KMT5B: variants seen among roughly 807,000 people sequenced by gnomAD.
KMT5B encodes lysine methyltransferase 5B, also known as histone-lysine N-methyltransferase KMT5B.
Under a neutral mutation model 83.2 loss-of-function variants are expected in KMT5B, and 10 were observed. That is an observed-to-expected ratio of 0.12 (90% confidence interval 0.07 to 0.20). KMT5B has a LOEUF of 0.20. Ranked by LOEUF, KMT5B falls within the 10% of genes least tolerant of loss-of-function variation. The probability of loss-of-function intolerance (pLI) is 1.00; values close to 1 mark genes in which losing one functional copy is unlikely to be tolerated. For synonymous variants in KMT5B, 349 were observed against 388.8 expected, an observed-to-expected ratio of 0.90 and a Z score of 1.20; for missense variants, 753 against 1,067.2, an observed-to-expected ratio of 0.71 and a Z score of 4.10.
intron 10 of KMT5B, among the ~76,000 whole-genome samples, chr11:68,160,511 A>C (rs1427815726): frequency 1.3e-5 from 2 of 152,190 alleles, no homozygotes; most frequent in Non-Finnish European, 2.9e-5. Context: ...ACAATAAAAC[A>C]TGGGTAAGCT....
intron 1 of KMT5B, among the ~76,000 whole-genome samples, chr11:68,201,699 GCAAA>G (rs1238144142): frequency 6.6e-6 from 1 of 152,082 alleles, no homozygotes. Context: ...GAACTTGTCT[GCAAA>G]CAGTTTATCT....
chr11:68,164,639 CAGAGTT>C, intron 10 of KMT5B: 1 of 512,620 alleles, frequency 2.0e-6, no homozygotes, highest in South Asian at 1.4e-5. Flanking sequence ...CCCATGACCT[CAGAGTT>C]AGTCATACTG....
rs78418290 is a variant in KMT5B, at chr11:68,166,668, C to T, written c.1174+314G>A. Reference sequence around the variant, plus strand: ...CCTTTTGTCTTCTTGCAGGACTTAGCGACATCATCACAGTCTCTAACACCT... The same window carrying T: ...CCTTTTGTCTTCTTGCAGGACTTAGTGACATCATCACAGTCTCTAACACCT... On this transcript the variant is annotated intron_variant, in intron 10 of 10. Transcript: ENST00000304363. 4.9e-4 allele frequency: 547 copies of T among 1,121,628 alleles called. 3 individuals are homozygous for T. In the East Asian group the frequency reaches 0.02, roughly 42 times the overall value. 69.5% of individuals were successfully genotyped at this position (1,121,628 alleles called of 1,614,324 possible).
intron 1 of KMT5B, among the ~76,000 whole-genome samples, chr11:68,209,364 A>G (rs1347824020): frequency 6.6e-6 from 1 of 152,198 alleles, no homozygotes; most frequent in Non-Finnish European, 1.5e-5. Context: ...TTCTACTTTC[A>G]GGAAAATCAG....
intron 1 of KMT5B, among the ~76,000 whole-genome samples, chr11:68,206,663 T>A (rs78151591): frequency 6.6e-6 from 1 of 152,204 alleles, no homozygotes; most frequent in African/African-American, 2.4e-5. Flanking sequence ...ATATTTTAAA[T>A]GAGCACAAAC....
Position 68,204,244 on chromosome 11 carries a change from C to T in KMT5B, c.-77+8894G>A, listed in dbSNP as rs189185311. Among the ~76,000 whole-genome samples, 69 of 152,288 alleles carry T rather than the reference C, an allele frequency of 4.5e-4. No individual in the cohort carries two copies. In the East Asian group the frequency reaches 0.013, roughly 28 times the overall value. ...AAGCAGACTGTAGTATGGTGGAAAACGGCCCCCAAAGACATCGGCTCCTAA... is the reference window on the plus strand; with the variant it reads ...AAGCAGACTGTAGTATGGTGGAAAATGGCCCCCAAAGACATCGGCTCCTAA... On this transcript the variant is annotated intron_variant, in intron 1 of 10. Transcript: ENST00000304363.
At chr11:68,194,931 C>T (rs927002514) in intron 1 of KMT5B, among the ~76,000 whole-genome samples, 1 of 152,170 alleles carries the variant, frequency 6.6e-6, no homozygotes, top group Non-Finnish European at 1.5e-5. Context: ...TCCTAGCCCT[C>T]TGGGAGACCA....
At chr11:68,163,507 C>T (rs1361153769) in intron 10 of KMT5B, among the ~76,000 whole-genome samples, 1 of 152,214 alleles carries the variant, frequency 6.6e-6, no homozygotes, top group Non-Finnish European at 1.5e-5. Context: ...TCCTCAAAAT[C>T]ATAAGGCAGG....
chr11:68,179,254 G>T (rs1199261262), intron 4 of KMT5B, among the ~76,000 whole-genome samples: 5 of 152,078 alleles, frequency 3.3e-5, no homozygotes, highest in Non-Finnish European at 7.4e-5. Flanking sequence ...GACAAGGGAG[G>T]CAAGAAAAAC....
In KMT5B at chr11:68,169,178, A is replaced by AT. The variant is rs779721263; in HGVS notation, c.977+1836dup. Among the ~76,000 whole-genome samples the AT allele has an allele frequency of 4.6e-5, 7 of 152,328 alleles. No homozygotes were observed. In the South Asian group the frequency reaches 8.3e-4, roughly 18 times the overall value. On this transcript the variant is annotated intron_variant, in intron 9 of 10. Coordinates refer to ENST00000304363, the MANE Select transcript of KMT5B (RefSeq NM_017635.5). ...ACACTAACCTTGTGGAGTAGGTGGGATTATCCTCATTTTCACCAGTGAGAA... is the reference window on the plus strand; with the variant it reads ...ACACTAACCTTGTGGAGTAGGTGGGATTTATCCTCATTTTCACCAGTGAGAA...
At chr11:68,181,295 G>A (rs1280837257) in intron 3 of KMT5B, among the ~76,000 whole-genome samples, 2 of 151,968 alleles carry the variant, frequency 1.3e-5, no homozygotes, top group Non-Finnish European at 2.9e-5. Context: ...GGCTGGTGTC[G>A]AACACCTGAC....
At chr11:68,160,817 C>T (rs947556552) in intron 10 of KMT5B, among the ~76,000 whole-genome samples, 4 of 152,170 alleles carry the variant, frequency 2.6e-5, no homozygotes, top group East Asian at 1.9e-4. Context: ...CACGGTGGTA[C>T]GTGCCTGTAA....
At chr11:68,202,705 T>G (rs189993641) in intron 1 of KMT5B, among the ~76,000 whole-genome samples, 2 of 149,310 alleles carry the variant, frequency 1.3e-5, no homozygotes, top group East Asian at 4.1e-4. Flanking sequence ...CGCACCACTA[T>G]GCCCGGCTAA....
intron 9 of KMT5B, among the ~76,000 whole-genome samples, chr11:68,167,478 AG>A (rs1855422561): frequency 6.8e-6 from 1 of 148,136 alleles, no homozygotes; most frequent in Non-Finnish European, 1.5e-5. Flanking sequence ...TTTTTGAGAC[AG>A]GGTCTCACTC....
intron 4 of KMT5B, among the ~76,000 whole-genome samples, chr11:68,175,566 C>T (rs1856280392): frequency 6.6e-6 from 1 of 152,084 alleles, no homozygotes; most frequent in African/African-American, 2.4e-5. Flanking sequence ...TTGGGAGACA[C>T]AAAATCAAAG....
At position 68,159,148 on chromosome 11, in the gene KMT5B, C is replaced by A; in HGVS notation, c.1198G>T (p.Gly400Cys). 1 of 1,572,980 alleles carries A rather than the reference C, an allele frequency of 6.4e-7. No individual in the cohort carries two copies. Among genetic ancestry groups the A allele is most frequent in the Non-Finnish European group, 8.6e-7 (1 of 1,167,002 alleles). The change falls in exon 11 of 11, where the codon GGC (glycine) becomes TGC (cysteine). Residue 400 changes from glycine (G) to cysteine (C), a missense_variant. Physicochemically the swap from Gly to Cys is radical, Grantham distance 159. Coordinates refer to ENST00000304363, the MANE Select transcript of KMT5B (RefSeq NM_017635.5). The stretch of plus-strand genomic sequence containing the variant: ...CTGCTCTTGCTATTCTTTTTTACGC[C>A]AACTGAAGATTTTCGGTTAGAAGCT... ...NATSNRKSSV[G>C]VKKNSKSRTL...
chr11:68,187,969 T>A (rs1857594285), intron 2 of KMT5B, among the ~76,000 whole-genome samples: 1 of 151,966 alleles, frequency 6.6e-6, no homozygotes, highest in African/African-American at 2.4e-5. Context: ...AACCTAGCCC[T>A]CTATATTTAT....
At chr11:68,173,348 C>T (rs942746058) in intron 6 of KMT5B, among the ~76,000 whole-genome samples, 2 of 152,162 alleles carry the variant, frequency 1.3e-5, no homozygotes, top group Non-Finnish European at 2.9e-5. Context: ...ACCAACTCTA[C>T]TATTTTTATT....
chr11:68,211,862 A>T (rs1323994415), intron 1 of KMT5B, among the ~76,000 whole-genome samples: 1 of 152,198 alleles, frequency 6.6e-6, no homozygotes, highest in Admixed American at 6.5e-5. Flanking sequence ...AATGGGCTGG[A>T]GTTCCCACAC....
Sources: allele counts gnomAD v4.1 joint callset (sites outside exome capture counted in the v4.1 genomes callset), GRCh38; gene constraint gnomAD v4.1.1; transcripts MANE v1.5; gene names NCBI Gene and HGNC (gene_info 2026-07-23, HGNC 2026-07-21).